The following RBM41 variants were observed in gnomAD, a reference collection of about 807,000 sequenced individuals.
RBM41 encodes the protein RNA binding motif protein 41.
In RBM41, 14 loss-of-function variants were observed where a neutral mutation model predicts 30.8. The observed-to-expected ratio is 0.45, with a 90% confidence interval of 0.30 to 0.71. RBM41 has a LOEUF of 0.71. RBM41 is among the 30% of genes least tolerant of loss of function. The pLI is 0.08. For synonymous variants in RBM41, 120 were observed against 110.1 expected, an observed-to-expected ratio of 1.09 and a Z score of -0.56; for missense variants, 276 against 326.3, an observed-to-expected ratio of 0.85 and a Z score of 1.19.
the RBM41 span, among the ~76,000 whole-genome samples, chrX:107,056,621 A>C: frequency 0.054 from 5,970 of 111,019 alleles, 404 homozygotes; most frequent in African/African-American, 0.19. Flanking sequence ...TGTTTCTAGG[A>C]ATTTGTCCAT....
intron 6 of RBM41, chrX:107,070,353 T>C (rs745847421): frequency 3.6e-5 from 12 of 329,290 alleles, no homozygotes; most frequent in Non-Finnish European, 7.1e-5. Flanking sequence ...TTTCTGCCAT[T>C]TGGCTCCTAG....
intron 5 of RBM41, among the ~76,000 whole-genome samples, chrX:107,090,231 G>A (rs898276342): frequency 4.5e-5 from 5 of 110,532 alleles, no homozygotes; most frequent in Admixed American, 9.6e-5. Flanking sequence ...AAAATTAGCC[G>A]GGCATGGTGG....
chrX:107,058,483 T>C (rs1185092475), downstream of RBM41, among the ~76,000 whole-genome samples: 2 of 110,503 alleles, frequency 1.8e-5, no homozygotes, highest in African/African-American at 3.3e-5. Flanking sequence ...AACGACTGTT[T>C]AGTGAGTTTA....
chrX:107,068,812 AT>A (rs1004682908), intron 7 of RBM41, among the ~76,000 whole-genome samples: 2 of 112,453 alleles, frequency 1.8e-5, no homozygotes, highest in Non-Finnish European at 3.8e-5. Context: ...TATGCAAATA[AT>A]ATTTAGAAGA....
chrX:107,113,860 AT>A (rs1479657077), intron 4 of RBM41, among the ~76,000 whole-genome samples: 5 of 111,643 alleles, frequency 4.5e-5, no homozygotes, highest in Non-Finnish European at 7.5e-5. Context: ...CAAATCATTC[AT>A]CCATTCTCAC....
intron 6 of RBM41, among the ~76,000 whole-genome samples, chrX:107,080,452 C>T (rs777921334): frequency 9.0e-6 from 1 of 111,168 alleles, no homozygotes; most frequent in Non-Finnish European, 1.9e-5. Flanking sequence ...GTGGCTCGCA[C>T]CTGTAGTCCC....
At chrX:107,117,780 T>C (rs985488983) in intron 1 of RBM41, among the ~76,000 whole-genome samples, 1 of 111,786 alleles carries the variant, frequency 8.9e-6, no homozygotes, top group African/African-American at 3.3e-5. Context: ...AAATTCCGGA[T>C]AGTGGTCACC....
chrX:107,061,274 T>C (rs925166682), downstream of RBM41, among the ~76,000 whole-genome samples: 3 of 112,121 alleles, frequency 2.7e-5, no homozygotes, highest in African/African-American at 9.7e-5. Flanking sequence ...TTAAGTAAGA[T>C]GTTAGCATTA....
chrX:107,084,384 C>G (rs1043962726), intron 6 of RBM41, among the ~76,000 whole-genome samples: 2 of 111,280 alleles, frequency 1.8e-5, no homozygotes, highest in Admixed American at 1.9e-4. Context: ...TTAGATGAGA[C>G]AGGAAGGCTA....
chrX:107,077,459 A>G (rs1921061211), intron 6 of RBM41, among the ~76,000 whole-genome samples: 1 of 110,477 alleles, frequency 9.1e-6, no homozygotes, highest in African/African-American at 3.3e-5. Flanking sequence ...AAAAATAAAG[A>G]GGACTTCTGG....
intron 5 of RBM41, among the ~76,000 whole-genome samples, chrX:107,091,408 G>T (rs1266760283): frequency 1.8e-5 from 2 of 112,101 alleles, no homozygotes; most frequent in Non-Finnish European, 3.8e-5. Context: ...ATAAGTAACT[G>T]CTTTGTTTTC....
intron 5 of RBM41, among the ~76,000 whole-genome samples, chrX:107,098,915 T>C (rs1237722759): frequency 9.1e-6 from 1 of 109,874 alleles, no homozygotes; most frequent in African/African-American, 3.3e-5. Context: ...GCATGAGAAC[T>C]GCTTGAACCC....
chrX:107,118,642 C>G, intron 1 of RBM41, 124 bp downstream of exon 1: 1 of 925,026 alleles, frequency 1.1e-6, no homozygotes, highest in Non-Finnish European at 1.6e-6. Flanking sequence ...GTCGTGTTCC[C>G]GCTCCCACGA....
Position 107,065,624 on chromosome X carries a change from A to G in RBM41, c.*1903T>C, listed in dbSNP as rs1935808573. 2 of 551,856 alleles carry G rather than the reference A, an allele frequency of 3.6e-6. No individual in the cohort carries two copies. Among genetic ancestry groups the G allele is most frequent in the Non-Finnish European group, 5.3e-6 (2 of 374,900 alleles). The allele number at this position is 551,856 out of a possible 1,213,427, so 45.5% of individuals were successfully genotyped here. The stretch of plus-strand genomic sequence containing the variant: ...AAAAGAAGCTGAGAGAAGAGTAAGT[A>G]TATGTTTATAGTTTTTTTATATTAA... On this transcript the variant is annotated 3_prime_UTR_variant, in exon 8 of 8. Transcript: ENST00000685964.
In RBM41 at chrX:107,080,313, T is replaced by C. The variant is rs767098500; in HGVS notation, c.999+8123A>G. 8.2e-5 allele frequency among the ~76,000 whole-genome samples: 9 copies of C among 109,263 alleles called. No homozygotes were observed. In the Admixed American group the frequency reaches 8.8e-4, roughly 11 times the overall value. 94.9% of individuals were successfully genotyped at this position (109,263 alleles called of 115,157 possible). ...AAAAACTGCAGCCGGGCATGGTAGC[T>C]CATGCCTGTAATCCCAGCACTATGG... On this transcript the variant is annotated intron_variant, in intron 6 of 7. Coordinates refer to ENST00000685964, the MANE Select transcript of RBM41 (RefSeq NM_001324242.2).
the RBM41 span, among the ~76,000 whole-genome samples, chrX:107,055,830 T>C: frequency 1.6e-4 from 18 of 112,434 alleles, no homozygotes; most frequent in Non-Finnish European, 3.0e-4. Flanking sequence ...TATCTCATTG[T>C]GGTTTTGATT....
chrX:107,080,873 T>C (rs1921460853), intron 6 of RBM41, among the ~76,000 whole-genome samples: 1 of 112,096 alleles, frequency 8.9e-6, no homozygotes, highest in Admixed American at 9.5e-5. Context: ...AATTGAGTTT[T>C]TTAATACTGT....
chrX:107,067,472 G>T lies in RBM41; in HGVS notation c.*55C>A, dbSNP rs746251164. The T allele has an allele frequency of 2.7e-6, 3 of 1,131,395 alleles. No individual in the cohort carries two copies. Among genetic ancestry groups the T allele is most frequent in the South Asian group, 4.8e-5 (2 of 41,306 alleles). The allele number at this position is 1,131,395 out of a possible 1,213,427, so 93.2% of individuals were successfully genotyped here. ...AACTGGTGTCTATACATAAATCCTA[G>T]ATCCAAGATTCCAATTCAAGAAAGA... On this transcript the variant is annotated 3_prime_UTR_variant, in exon 8 of 8. Coordinates refer to ENST00000685964, the MANE Select transcript of RBM41 (RefSeq NM_001324242.2).
chrX:107,068,454 G>C lies in RBM41; in HGVS notation c.1148-761C>G, dbSNP rs750751746. Among the ~76,000 whole-genome samples the C allele has an allele frequency of 1.1e-4, 12 of 111,405 alleles. 1 individual carries two copies. In the Admixed American group the frequency reaches 1.1e-3, roughly 11 times the overall value. ...TATGTATTTTTTCAACTAATACATCGTATTATGTGGGGCACCCATAAACGG... is the reference window on the plus strand; with the variant it reads ...TATGTATTTTTTCAACTAATACATCCTATTATGTGGGGCACCCATAAACGG... On this transcript the variant is annotated intron_variant, in intron 7 of 7. Transcript: ENST00000685964.
Sources: allele counts gnomAD v4.1 joint callset (sites outside exome capture counted in the v4.1 genomes callset), GRCh38; gene constraint gnomAD v4.1.1; transcripts MANE v1.5; gene names NCBI Gene and HGNC (gene_info 2026-07-23, HGNC 2026-07-21).